The following SKI variants were observed in gnomAD, a reference collection of about 807,000 sequenced individuals.
The protein encoded by SKI is ski oncogene.
SKI carries 23 observed loss-of-function variants against 59.3 expected under a neutral mutation model. The observed-to-expected ratio is 0.39, with a 90% CI of 0.28 to 0.55. The LOEUF (loss-of-function observed/expected upper bound fraction) is 0.55, where lower values mean the gene tolerates loss of function less well. Among genes scored for constraint, SKI ranks in the 20% least tolerant of loss-of-function variants. SKI has a pLI of 0.67. For missense variants in SKI, 1,017 were observed against 1,038.9 expected (o/e 0.98, Z 0.29); for synonymous variants, 673 against 488.6 (o/e 1.38, Z -4.98).
chr1:2,257,402 C>T (rs886469031), intron 1 of SKI, among the ~76,000 whole-genome samples: 2 of 152,268 alleles, frequency 1.3e-5, no homozygotes, highest in Non-Finnish European at 2.9e-5. Flanking sequence ...GGGCCAGCCC[C>T]GATCCTGCTT....
intron 1 of SKI, among the ~76,000 whole-genome samples, chr1:2,274,762 C>G (rs935603511): frequency 6.6e-6 from 1 of 152,156 alleles, no homozygotes; most frequent in Non-Finnish European, 1.5e-5. Flanking sequence ...GAATAGCAGC[C>G]GTGATGGGGG....
chr1:2,279,105 T>G (rs1372219578), intron 1 of SKI, among the ~76,000 whole-genome samples: 1 of 152,126 alleles, frequency 6.6e-6, no homozygotes, highest in Non-Finnish European at 1.5e-5. Flanking sequence ...TCTCCTGGTG[T>G]CCCGGAGGGG....
At chr1:2,256,474 C>T (rs982900180) in intron 1 of SKI, among the ~76,000 whole-genome samples, 4 of 152,246 alleles carry the variant, frequency 2.6e-5, no homozygotes, top group South Asian at 2.1e-4. Context: ...GTCCAGAGGC[C>T]GATGGCCAGC....
intron 1 of SKI, among the ~76,000 whole-genome samples, chr1:2,243,287 G>A (rs1348336638): frequency 2.0e-5 from 3 of 152,264 alleles, no homozygotes; most frequent in Non-Finnish European, 4.4e-5. Flanking sequence ...CTGGCTGCAC[G>A]AGATGTCAGT....
Position 2,306,739 on chromosome 1 carries a change from G to C in SKI, c.2161G>C (p.Glu721Gln). The C allele has an allele frequency of 6.5e-7, 1 of 1,529,640 alleles. No homozygotes were observed. The allele number at this position is 1,529,640 out of a possible 1,614,324, so 94.8% of individuals were successfully genotyped here. ...PRARPEAAGS[E>Q]GAAELEP ...GGCCCGCCCCGAGGCTGCGGGCAGC[G>C]AGGGCGCTGCGGAGCTGGAGCCGTA... The change falls in exon 7 of 7, where the codon GAG becomes CAG. Residue 721 changes from glutamate to glutamine, a missense_variant. Glu to Gln is a conservative substitution (Grantham distance 29). Coordinates refer to ENST00000378536, the MANE Select transcript of SKI (RefSeq NM_003036.4).
At chr1:2,272,968 G>C (rs966190384) in intron 1 of SKI, among the ~76,000 whole-genome samples, 5 of 152,226 alleles carry the variant, frequency 3.3e-5, no homozygotes, top group Non-Finnish European at 5.9e-5. Flanking sequence ...TGTCCCAGCA[G>C]TAGTAAAAGT....
At position 2,228,741 on chromosome 1, in the gene SKI, A is replaced by T. The variant is rs1259882831; in HGVS notation, c.-26A>T. 1 of 1,081,386 alleles carries T rather than the reference A, an allele frequency of 9.2e-7. No individual in the cohort carries two copies. The highest frequency in any genetic ancestry group is 1.7e-5 in the African/African-American group (1 of 57,570). The allele number at this position is 1,081,386 out of a possible 1,614,324, so 67.0% of individuals were successfully genotyped here. A position where few individuals can be genotyped will look rare whatever the true frequency, so the allele number is the denominator to read the frequency against. ...GGGGGCCCGGGCGCGCGGGAGCGGG[A>T]GCGGCCGGGGGAGCCGGAGCGCACC... is the stretch of plus-strand genomic sequence containing the variant. On this transcript the variant is annotated 5_prime_UTR_variant, in exon 1 of 7. Transcript: ENST00000378536.
chr1:2,249,677 G>A (rs1350924073), intron 1 of SKI, among the ~76,000 whole-genome samples: 1 of 152,224 alleles, frequency 6.6e-6, no homozygotes, highest in Non-Finnish European at 1.5e-5. Context: ...CCAGCACAGA[G>A]GGCTCACGGT....
At chr1:2,274,478 C>G (rs1181904781) in intron 1 of SKI, among the ~76,000 whole-genome samples, 1 of 152,184 alleles carries the variant, frequency 6.6e-6, no homozygotes, top group Admixed American at 6.5e-5. Context: ...CACCAGCCAC[C>G]CGAGGGCCCG....
chr1:2,287,402 T>C (rs1208447262), intron 1 of SKI, among the ~76,000 whole-genome samples: 1 of 150,300 alleles, frequency 6.7e-6, no homozygotes, highest in Admixed American at 6.6e-5. Context: ...AGTGGCGCGA[T>C]CTCGGCTCAC....
At chr1:2,302,803 T>C (rs1021403446) in intron 1 of SKI, among the ~76,000 whole-genome samples, 175 bp from the exon 2 acceptor site, 13 of 152,182 alleles carry the variant, frequency 8.5e-5, no homozygotes, top group Non-Finnish European at 1.6e-4. Flanking sequence ...AGGGCCTTTA[T>C]GCAAAGTGAA....
chr1:2,296,956 G>A (rs750872920), intron 1 of SKI, among the ~76,000 whole-genome samples: 11 of 152,126 alleles, frequency 7.2e-5, no homozygotes, highest in South Asian at 4.1e-4. Flanking sequence ...AGAGCATACC[G>A]TGCTGTTCCC....
Position 2,303,314 on chromosome 1 carries a change from C to A in SKI, c.1125C>A (p.Arg375=), listed in dbSNP as rs1307770142. The change falls in exon 3 of 7, where the codon CGC becomes CGA. Residue 375 remains arginine (R), a synonymous_variant. Coordinates refer to ENST00000378536, the MANE Select transcript of SKI (RefSeq NM_003036.4). The surrounding 1 kb of genome is among the most constrained non-coding windows in gnomAD (Gnocchi z 5.6). ...TGGGCTGTGTTCACCCTCGCCAGCGCCTCTCTGCTTTCCGACCCTGGTCCC... is the reference window on the plus strand; with the variant it reads ...TGGGCTGTGTTCACCCTCGCCAGCGACTCTCTGCTTTCCGACCCTGGTCCC... ...KSLGCVHPRQ[R]LSAFRPWSPA... The A allele has an allele frequency of 6.2e-7, 1 of 1,613,882 alleles. No homozygotes were observed. Among genetic ancestry groups the A allele is most frequent in the Non-Finnish European group, 8.5e-7 (1 of 1,180,046 alleles).
chr1:2,273,963 G>A (rs957473482), intron 1 of SKI, among the ~76,000 whole-genome samples: 1 of 152,120 alleles, frequency 6.6e-6, no homozygotes, highest in East Asian at 1.9e-4. Context: ...GCAGCGCCAG[G>A]ATGGCAGCCC....
At chr1:2,304,232 C>G in intron 4 of SKI, 61 bp from the exon 5 acceptor site, 2 of 1,553,474 alleles carry the variant, frequency 1.3e-6, no homozygotes, top group African/African-American at 1.4e-5. Context: ...CGGCGCGTCT[C>G]CCTGGTGTGG....
intron 1 of SKI, among the ~76,000 whole-genome samples, chr1:2,236,743 T>C (rs1449838898): frequency 6.6e-6 from 1 of 152,220 alleles, no homozygotes; most frequent in South Asian, 2.1e-4. Flanking sequence ...CACCGTCTTC[T>C]GACCTGGGGG....
At position 2,308,071 on chromosome 1, in the gene SKI, A is replaced by G. The variant is rs1303721712; in HGVS notation, c.*1306A>G. The G allele has an allele frequency of 6.6e-6, 1 of 152,384 alleles. No homozygotes were observed. Among genetic ancestry groups the G allele is most frequent in the Non-Finnish European group, 1.5e-5 (1 of 68,038 alleles). 9.4% of individuals were successfully genotyped at this position (152,384 alleles called of 1,614,324 possible). A position where few individuals can be genotyped will look rare whatever the true frequency, so the allele number is the denominator to read the frequency against. The stretch of plus-strand genomic sequence containing the variant: ...ACTCTCACCTGTTTATGCAAATTGT[A>G]TAAGGTTTCTTATGCCCAAGCTTGA... On this transcript the variant is annotated 3_prime_UTR_variant, in exon 7 of 7. Transcript: ENST00000378536.
chr1:2,272,074 C>T (rs1639634721), intron 1 of SKI, among the ~76,000 whole-genome samples: 1 of 152,226 alleles, frequency 6.6e-6, no homozygotes, highest in Admixed American at 6.5e-5. Flanking sequence ...GGCCACCTTG[C>T]TCTCTCTCCA....
chr1:2,275,537 G>A (rs867677209), intron 1 of SKI, among the ~76,000 whole-genome samples: 1 of 151,972 alleles, frequency 6.6e-6, no homozygotes, highest in Middle Eastern at 3.4e-3. Context: ...TTTTTTAGAC[G>A]GAGTCTCGCT....
Sources: allele counts gnomAD v4.1 joint callset (sites outside exome capture counted in the v4.1 genomes callset), GRCh38; gene constraint gnomAD v4.1.1; non-coding constraint Gnocchi (gnomAD v3.1); transcripts MANE v1.5; gene names NCBI Gene and HGNC (gene_info 2026-07-23, HGNC 2026-07-21).